The following RPF1 variants were observed in gnomAD, a reference collection of about 807,000 sequenced individuals.
RPF1 encodes the protein ribosome production factor 1 homolog.
RPF1 carries 34 observed loss-of-function variants against 41.9 expected under a neutral mutation model. The ratio of observed to expected loss-of-function variants is 0.81; its 90% CI spans 0.62 to 1.08. RPF1 has a LOEUF of 1.08. Ranked by LOEUF, RPF1 falls within the 50% of genes least tolerant of loss-of-function variation. The pLI, the probability that RPF1 is intolerant of heterozygous loss-of-function variation, is 0.00. For missense variants in RPF1, 425 were observed against 435.2 expected (o/e 0.98, Z 0.21); for synonymous variants, 140 against 148.9 (o/e 0.94, Z 0.43).
chr1:84,493,090 T>C (rs1351561078), intron 5 of RPF1, among the ~76,000 whole-genome samples: 1 of 152,198 alleles, frequency 6.6e-6, no homozygotes, highest in East Asian at 1.9e-4. Context: ...AAAGAAGTTA[T>C]TTAGAAACTG....
chr1:84,479,297 GA>G lies in RPF1; in HGVS notation c.17del (p.Asp6ValfsTer11). On this transcript the variant is annotated frameshift_variant, in exon 1 of 9. Transcript: ENST00000370654. LOFTEE classifies it high-confidence loss of function. MAKAGDKSSSSGKKSL... is the reference protein window; with the variant it reads MAKAGXKSSSSGKKSL... Reference sequence around the variant, plus strand: ...AGCCAAGACCATGGCGAAAGCCGGGGATAAGAGCAGCAGCAGCGGGAAGAAA... The same window carrying G: ...AGCCAAGACCATGGCGAAAGCCGGGGTAAGAGCAGCAGCAGCGGGAAGAAA... 6.2e-7 allele frequency: 1 copy of G among 1,604,288 alleles called. No homozygotes were observed. The highest frequency in any genetic ancestry group is 8.5e-7 in the Non-Finnish European group (1 of 1,175,272).
chr1:84,491,273 A>G (rs1360076433), intron 5 of RPF1, among the ~76,000 whole-genome samples: 2 of 152,218 alleles, frequency 1.3e-5, no homozygotes, highest in African/African-American at 4.8e-5. Flanking sequence ...AACCTTAAAG[A>G]TGACCAATTG....
intron 6 of RPF1, 31 bp from the exon 7 acceptor site, chr1:84,495,851 T>C (rs1228148131): frequency 7.1e-7 from 1 of 1,402,742 alleles, no homozygotes; most frequent in Non-Finnish European, 9.9e-7. Context: ...GCTTAGCCCA[T>C]TGTGATATTT....
At position 84,489,678 on chromosome 1, in the gene RPF1, A is replaced by C; in HGVS notation, c.412A>C (p.Lys138Gln). 6.2e-7 allele frequency: 1 copy of C among 1,610,748 alleles called. No homozygotes were observed. Among genetic ancestry groups the C allele is most frequent in the South Asian group, 1.1e-5 (1 of 90,986 alleles). Residue 138 changes from lysine (K) to glutamine (Q), a missense_variant, in exon 4 of 9, where the codon AAA (lysine) becomes CAA (glutamine). Transcript: ENST00000370654. ...ATDEFASYFNKQTSPKILITT... is the reference protein window; with the variant it reads ...ATDEFASYFNQQTSPKILITT... ...AGATGAATTTGCTTCTTACTTCAAC[A>C]AACAGACTTCTCCCAAGATTCTCAT...
At chr1:84,496,478 T>C (rs1018754918) in intron 8 of RPF1, 108 bp downstream of exon 8, 2 of 945,168 alleles carry the variant, frequency 2.1e-6, no homozygotes, top group Non-Finnish European at 1.6e-6. Context: ...GCTTAATACC[T>C]AGGTGATGAA....
intron 1 of RPF1, 27 bp downstream of exon 1, chr1:84,479,536 C>A (rs762577656): frequency 1.9e-6 from 3 of 1,606,928 alleles, no homozygotes; most frequent in Non-Finnish European, 2.6e-6. Flanking sequence ...GGCTGCCGGG[C>A]GCTTGCGCGT....
intron 3 of RPF1, among the ~76,000 whole-genome samples, chr1:84,487,308 A>G (rs1335185914): frequency 6.6e-6 from 1 of 152,172 alleles, no homozygotes; most frequent in African/African-American, 2.4e-5. Context: ...TAACCAACTC[A>G]TGGTATGTTC....
At chr1:84,488,239 A>G (rs553616632) in intron 3 of RPF1, among the ~76,000 whole-genome samples, 20 of 152,104 alleles carry the variant, frequency 1.3e-4, no homozygotes, top group Non-Finnish European at 2.6e-4. Flanking sequence ...TATATAATAT[A>G]TATTTACTTA....
At chr1:84,495,831 T>A in intron 6 of RPF1, 51 bp from the exon 7 acceptor site, 1 of 1,218,154 alleles carries the variant, frequency 8.2e-7, no homozygotes, top group Non-Finnish European at 1.2e-6. Context: ...TTGGGACGTA[T>A]TGCCAATTAG....
intron 5 of RPF1, among the ~76,000 whole-genome samples, chr1:84,495,005 C>CT (rs1281317834): frequency 6.6e-6 from 1 of 152,130 alleles, no homozygotes; most frequent in African/African-American, 2.4e-5. Flanking sequence ...AACTCATACT[C>CT]TATTTGCAGT....
At chr1:84,489,504 C>A (rs1681794027) in intron 3 of RPF1, 129 bp from the exon 4 acceptor site, 1 of 632,496 alleles carries the variant, frequency 1.6e-6, no homozygotes, top group Non-Finnish European at 2.9e-6. Context: ...TCAGTCCTTC[C>A]TAGTCTGTCT....
At chr1:84,485,743 A>G (rs1427390562) in intron 3 of RPF1, among the ~76,000 whole-genome samples, 1 of 152,140 alleles carries the variant, frequency 6.6e-6, no homozygotes, top group Admixed American at 6.5e-5. Flanking sequence ...TTTGTATGAT[A>G]ATTAGTAAGT....
chr1:84,491,488 G>A (rs1681834709), intron 5 of RPF1, among the ~76,000 whole-genome samples: 1 of 152,012 alleles, frequency 6.6e-6, no homozygotes, highest in Non-Finnish European at 1.5e-5. Context: ...TTATCCACTT[G>A]TACTAGTAGC....
intron 1 of RPF1, among the ~76,000 whole-genome samples, 193 bp from the exon 2 acceptor site, chr1:84,480,763 C>G (rs1217404787): frequency 1.3e-5 from 2 of 152,120 alleles, no homozygotes; most frequent in Admixed American, 1.3e-4. Context: ...TTAAAGAAAT[C>G]TTATTGATTG....
Position 84,496,365 on chromosome 1 carries a change from C to T in RPF1, c.1003C>T (p.His335Tyr). The T allele has an allele frequency of 6.2e-7, 1 of 1,606,632 alleles. No homozygotes were observed. Among genetic ancestry groups the T allele is most frequent in the Non-Finnish European group, 8.5e-7 (1 of 1,176,938 alleles). Residue 335 changes from histidine to tyrosine, a missense_variant, in exon 8 of 9, where the codon CAT becomes TAT. Coordinates refer to ENST00000370654, the MANE Select transcript of RPF1 (RefSeq NM_025065.7). ...TAAATATGGAGAGTATGAATGGGTC[C>T]ATAAGGTATGTGCTTATTGTTTAAA... is the stretch of plus-strand genomic sequence containing the variant. ...DSKYGEYEWV[H>Y]KPREMDTSRR...
In RPF1 at chr1:84,490,412, C is replaced by T; in HGVS notation, c.556C>T (p.Gln186Ter). 2 of 1,611,214 alleles carry T rather than the reference C, an allele frequency of 1.2e-6. No homozygotes were observed. Among genetic ancestry groups the T allele is most frequent in the Non-Finnish European group, 8.5e-7 (1 of 1,178,624 alleles). The change falls in exon 5 of 9, where the codon CAG (glutamine) becomes TAG (stop). Residue 186 changes from glutamine to a stop codon, truncating the protein, a stop_gained. Transcript: ENST00000370654. LOFTEE classifies it high-confidence loss of function. ...RGLALKKIIP[Q>*]CIARDFTDLI... Reference sequence around the variant, plus strand: ...ACTGGCTCTGAAAAAAATTATTCCACAGTGCATCGCAAGAGATTTCACAGA... The same window carrying T: ...ACTGGCTCTGAAAAAAATTATTCCATAGTGCATCGCAAGAGATTTCACAGA...
chr1:84,495,939 A>G lies in RPF1; in HGVS notation c.757A>G (p.Thr253Ala), dbSNP rs770838128. ...IPEIILNNFT[T>A]RLGHSIGRMF... ...TGAAATAATTCTGAATAATTTTACA[A>G]CACGGCTGGGTCATTCAATTGGACG... Residue 253 changes from threonine (T) to alanine (A), a missense_variant, in exon 7 of 9, where the codon ACA becomes GCA. Thr to Ala is a moderately conservative substitution (Grantham distance 58). Coordinates refer to ENST00000370654, the MANE Select transcript of RPF1 (RefSeq NM_025065.7). The G allele has an allele frequency of 1.7e-5, 28 of 1,611,228 alleles. No homozygotes were observed. Among genetic ancestry groups the G allele is most frequent in the African/African-American group, 2.7e-5 (2 of 74,846 alleles).
chr1:84,481,192 G>A (rs963644249), intron 2 of RPF1, among the ~76,000 whole-genome samples, 180 bp downstream of exon 2: 3 of 152,150 alleles, frequency 2.0e-5, no homozygotes, highest in African/African-American at 7.2e-5. Flanking sequence ...TAATGCATTA[G>A]CAAAGAATGT....
chr1:84,490,316 C>A lies in RPF1; in HGVS notation c.463-3C>A. The A allele has an allele frequency of 6.5e-7, 1 of 1,528,594 alleles. No individual in the cohort carries two copies. The highest frequency in any genetic ancestry group is 8.8e-7 in the Non-Finnish European group (1 of 1,142,564). 94.7% of individuals were successfully genotyped at this position (1,528,594 alleles called of 1,614,324 possible). ...TCAAAATTTTTGTTATTTTGTTTTG[C>A]AGAGAACAGTACGACTCTGTGAACA... On this transcript the variant is annotated splice_polypyrimidine_tract_variant and splice_region_variant and intron_variant, in intron 4 of 8. Transcript: ENST00000370654.
Sources: allele counts gnomAD v4.1 joint callset (sites outside exome capture counted in the v4.1 genomes callset), GRCh38; gene constraint gnomAD v4.1.1; transcripts MANE v1.5; gene names NCBI Gene and HGNC (gene_info 2026-07-23, HGNC 2026-07-21).